CYFIP2: variants seen among roughly 807,000 people sequenced by gnomAD.
CYFIP2 encodes cytoplasmic FMR1-interacting protein 2.
Under a neutral mutation model 158.7 loss-of-function variants are expected in CYFIP2, and 29 were observed. The observed-to-expected ratio is 0.18, with a 90% CI of 0.14 to 0.25. CYFIP2 has a LOEUF of 0.25. Ranked by LOEUF, CYFIP2 falls within the 10% of genes least tolerant of loss-of-function variation. CYFIP2 has a pLI of 1.00. For missense variants in CYFIP2, 852 were observed against 1,639.5 expected (o/e 0.52, Z 8.29); for synonymous variants, 585 against 617.6 (o/e 0.95, Z 0.78).
rs780920901 is a variant in CYFIP2, at chr5:157,311,684, G to C, written c.1013G>C (p.Ser338Thr). 39 of 1,609,666 alleles carry C rather than the reference G, an allele frequency of 2.4e-5. No homozygotes were observed. In the Middle Eastern group the frequency reaches 6.6e-4, roughly 27 times the overall value. Residue 338 changes from serine (S) to threonine (T), a missense_variant, in exon 11 of 31, where the codon AGC becomes ACC. Ser to Thr is a moderately conservative substitution (Grantham distance 58). Transcript: ENST00000620254. This position sits in a 1 kb window ranked among gnomAD's most constrained non-coding sequence, Gnocchi z 4.7. ...CCCAGGTGGACGTGCACCCAGAGCA[G>C]CATCAGCCCCCAGTACAATATCTGC... Reference protein sequence around the residue: ...NKSKWTCTQSSISPQYNICEQ... With the variant: ...NKSKWTCTQSTISPQYNICEQ...
chr5:157,383,603 T>G (rs1173583560), intron 28 of CYFIP2: 1 of 408,510 alleles, frequency 2.4e-6, no homozygotes, highest in Non-Finnish European at 4.5e-6. Context: ...CGTCTGCTTA[T>G]TTAAACAAGT....
At chr5:157,294,974 A>G in intron 4 of CYFIP2, 114 bp downstream of exon 4, 1 of 738,628 alleles carries the variant, frequency 1.4e-6, no homozygotes. Flanking sequence ...GGAGTAAAGC[A>G]GGTCCTCTTA....
chr5:157,321,356 A>G (rs1267483172), intron 15 of CYFIP2, among the ~76,000 whole-genome samples: 2 of 152,206 alleles, frequency 1.3e-5, no homozygotes, highest in Non-Finnish European at 2.9e-5. Flanking sequence ...CCTTAGTTCC[A>G]CATCCTTCCA....
intron 26 of CYFIP2, among the ~76,000 whole-genome samples, chr5:157,381,389 T>G (rs565702200): frequency 4.6e-4 from 70 of 151,084 alleles, no homozygotes; most frequent in Non-Finnish European, 8.0e-4. Context: ...TAGCCAGGCA[T>G]GATGGCGAGC....
chr5:157,343,221 G>A lies in CYFIP2; in HGVS notation c.2673+2064G>A, dbSNP rs1227251958. On this transcript the variant is annotated intron_variant, in intron 23 of 30. Coordinates refer to ENST00000620254, the MANE Select transcript of CYFIP2 (RefSeq NM_001037333.3). ...CAAAGGGAGATCTGGGGGTCTACCA[G>A]GGAGCTTCCAGGAGCCAGCGGACTC... is the stretch of plus-strand genomic sequence containing the variant. The A allele has an allele frequency of 1.9e-6, 3 of 1,614,094 alleles. No homozygotes were observed. In the Admixed American group the frequency reaches 5.0e-5, roughly 27 times the overall value.
At chr5:157,360,692 G>C (rs1763748735) in intron 25 of CYFIP2, among the ~76,000 whole-genome samples, 2 of 152,332 alleles carry the variant, frequency 1.3e-5, no homozygotes, top group Admixed American at 1.3e-4. Flanking sequence ...ACCTCCAGGA[G>C]CTCTTCCTCC....
chr5:157,287,150 G>T (rs760792343), intron 3 of CYFIP2, 42 bp downstream of exon 3: 14 of 1,533,096 alleles, frequency 9.1e-6, no homozygotes, highest in Admixed American at 6.7e-5. Context: ...GCTCCCTGCT[G>T]GGCTGGCAGG....
chr5:157,290,353 C>T (rs924804933), intron 3 of CYFIP2, among the ~76,000 whole-genome samples: 1 of 152,194 alleles, frequency 6.6e-6, no homozygotes, highest in Admixed American at 6.5e-5. Context: ...GAGGTGTCTA[C>T]ATTCCTTGAC....
chr5:157,291,595 C>T (rs548647965), intron 3 of CYFIP2, among the ~76,000 whole-genome samples: 6 of 152,234 alleles, frequency 3.9e-5, no homozygotes, highest in Admixed American at 2.0e-4. Context: ...GTGTTCCTTA[C>T]GTGACTGTCA....
chr5:157,391,790 C>G (rs1344162523), intron 30 of CYFIP2, among the ~76,000 whole-genome samples: 4 of 152,052 alleles, frequency 2.6e-5, no homozygotes, highest in African/African-American at 4.8e-5. Context: ...GAGTATATAC[C>G]TGGACGTGGA....
intron 3 of CYFIP2, among the ~76,000 whole-genome samples, chr5:157,288,139 G>A (rs979552428): frequency 3.9e-5 from 6 of 152,144 alleles, no homozygotes; most frequent in Admixed American, 2.6e-4. Context: ...ATGGAGGCTG[G>A]AAAGTCCAAG....
At chr5:157,297,625 A>T (rs1294912635) in intron 5 of CYFIP2, among the ~76,000 whole-genome samples, 3 of 152,210 alleles carry the variant, frequency 2.0e-5, no homozygotes, top group South Asian at 4.1e-4. Context: ...AAACTGATTA[A>T]CTGAGAAACT....
At chr5:157,375,521 A>G (rs1218286915) in intron 26 of CYFIP2, among the ~76,000 whole-genome samples, 1 of 152,150 alleles carries the variant, frequency 6.6e-6, no homozygotes, top group Admixed American at 6.5e-5. Flanking sequence ...CTGGATAGCT[A>G]TGAGACTCTG....
At chr5:157,297,169 GAC>G in intron 5 of CYFIP2, among the ~76,000 whole-genome samples, 1 of 152,250 alleles carries the variant, frequency 6.6e-6, no homozygotes, top group South Asian at 2.1e-4. Flanking sequence ...GACGTGTGAT[GAC>G]CAGGAGGAAA....
intron 30 of CYFIP2, 42 bp from the exon 31 acceptor site, chr5:157,392,789 CCA>C (rs1561796853): frequency 6.2e-7 from 1 of 1,600,060 alleles, no homozygotes. Flanking sequence ...CTTTCCACCC[CCA>C]CTTTGTCCTG....
Position 157,285,339 on chromosome 5 carries a change from T to G in CYFIP2, c.-23T>G, listed in dbSNP as rs1308752615. On this transcript the variant is annotated splice_region_variant and 5_prime_UTR_variant, in exon 2 of 31. Coordinates refer to ENST00000620254, the MANE Select transcript of CYFIP2 (RefSeq NM_001037333.3). ...CTGACCTTCTCTTCCTTCCCTTCAG[T>G]GCAGAATACAGAAACTGCAGCCATG... is the stretch of plus-strand genomic sequence containing the variant. The G allele has an allele frequency of 6.5e-7, 1 of 1,547,698 alleles. No individual in the cohort carries two copies. Among genetic ancestry groups the G allele is most frequent in the Admixed American group, 2.0e-5 (1 of 51,160 alleles).
chr5:157,390,662 G>A lies in CYFIP2; in HGVS notation c.3588G>A (p.Lys1196=). 6.3e-7 allele frequency: 1 copy of A among 1,585,152 alleles called. No individual in the cohort carries two copies. The highest frequency in any genetic ancestry group is 8.6e-7 in the Non-Finnish European group (1 of 1,165,378). The part of the protein sequence containing the change: ...QRQDGKDEII[K]NVPLKKMADR... ...AGGACGGGAAGGATGAAATCATTAAGAATGTGGTGAGCAGGCTGGTGGCTA... is the reference window on the plus strand; with the variant it reads ...AGGACGGGAAGGATGAAATCATTAAAAATGTGGTGAGCAGGCTGGTGGCTA... Residue 1196 remains lysine, a synonymous_variant, in exon 30 of 31, where the codon AAG becomes AAA. Transcript: ENST00000620254.
intron 27 of CYFIP2, 54 bp from the exon 28 acceptor site, chr5:157,383,211 C>A: frequency 6.6e-7 from 1 of 1,524,898 alleles, no homozygotes; most frequent in Non-Finnish European, 9.0e-7. Flanking sequence ...TTTCCTTCCC[C>A]AGTTGCCCTG....
rs570725366 is a variant in CYFIP2, at chr5:157,310,316, C to T, written c.992+482C>T. On this transcript the variant is annotated intron_variant, in intron 10 of 30. Transcript: ENST00000620254. ...TATGCAAAGGCCTGGGGTGTCAGTG[C>T]TTCACTGAAGTTGGGGGGCTCCAAC... Among the ~76,000 whole-genome samples the T allele has an allele frequency of 2.4e-4, 36 of 152,312 alleles. No homozygotes were observed. The East Asian group carries it at 6.9e-3, about 29-fold the overall frequency.
Sources: allele counts gnomAD v4.1 joint callset (sites outside exome capture counted in the v4.1 genomes callset), GRCh38; gene constraint gnomAD v4.1.1; non-coding constraint Gnocchi (gnomAD v3.1); transcripts MANE v1.5; gene names NCBI Gene and HGNC (gene_info 2026-07-23, HGNC 2026-07-21).